FBXW7: variants seen among roughly 807,000 people sequenced by gnomAD.
FBXW7 encodes F-box/WD repeat-containing protein 7.
In FBXW7, 11 loss-of-function variants were observed where a neutral mutation model predicts 86.3. That is an observed-to-expected ratio of 0.13 (90% CI 0.08 to 0.21). The LOEUF (loss-of-function observed/expected upper bound fraction) is 0.21, where lower values mean the gene tolerates loss of function less well. FBXW7 is among the 10% of genes least tolerant of loss of function. The probability of loss-of-function intolerance (pLI) is 1.00; values close to 1 mark genes in which losing one functional copy is unlikely to be tolerated. For synonymous variants in FBXW7, 313 were observed against 297.9 expected (o/e 1.05, Z -0.52); for missense variants, 488 against 847.4 (o/e 0.58, Z 5.27).
chr4:152,487,701 G>A (rs1194884630), intron 2 of FBXW7, among the ~76,000 whole-genome samples: 2 of 151,928 alleles, frequency 1.3e-5, no homozygotes, highest in African/African-American at 4.8e-5. Context: ...GTTAACATTT[G>A]TTAAATTTTG....
chr4:152,528,641 C>T (rs1306343651), intron 2 of FBXW7, among the ~76,000 whole-genome samples: 4 of 152,136 alleles, frequency 2.6e-5, no homozygotes, highest in Non-Finnish European at 4.4e-5. Context: ...TTTAAAGATA[C>T]TTGCATGTAA....
chr4:152,355,274 T>A (rs148023853), intron 4 of FBXW7, among the ~76,000 whole-genome samples: 7 of 152,114 alleles, frequency 4.6e-5, no homozygotes. Flanking sequence ...TTTGGTAATA[T>A]AATATTTAAA....
At chr4:152,364,060 T>G (rs1461554703) in intron 4 of FBXW7, among the ~76,000 whole-genome samples, 2 of 152,206 alleles carry the variant, frequency 1.3e-5, no homozygotes, top group Non-Finnish European at 2.9e-5. Flanking sequence ...AGACGGACTA[T>G]GCAGCTAATT....
intron 4 of FBXW7, chr4:152,411,071 A>G: frequency 1.4e-6 from 1 of 706,544 alleles, no homozygotes; most frequent in East Asian, 3.3e-5. Flanking sequence ...ATAATTTTTC[A>G]TAGTAATAGG....
chr4:152,352,738 T>C (rs755891840), intron 4 of FBXW7: 32 of 1,612,628 alleles, frequency 2.0e-5, no homozygotes, highest in Non-Finnish European at 2.7e-5. Context: ...CATACATACA[T>C]GCAGCTTGAC....
At chr4:152,343,698 C>A (rs1205300235) in intron 6 of FBXW7, among the ~76,000 whole-genome samples, 1 of 152,060 alleles carries the variant, frequency 6.6e-6, no homozygotes, top group Admixed American at 6.6e-5. Flanking sequence ...TTTATTAGCA[C>A]CTGAATGATA....
intron 4 of FBXW7, among the ~76,000 whole-genome samples, chr4:152,398,733 T>C (rs1449878558): frequency 6.6e-6 from 1 of 152,006 alleles, no homozygotes; most frequent in East Asian, 1.9e-4. Context: ...TATTAATTTA[T>C]AGAAAATAGA....
chr4:152,529,046 C>T (rs1044189825), intron 2 of FBXW7, among the ~76,000 whole-genome samples: 1 of 152,072 alleles, frequency 6.6e-6, no homozygotes, highest in Non-Finnish European at 1.5e-5. Flanking sequence ...AGCAACTTTA[C>T]TCATCTTTTT....
At chr4:152,488,911 C>T (rs1261199965) in intron 2 of FBXW7, among the ~76,000 whole-genome samples, 1 of 152,050 alleles carries the variant, frequency 6.6e-6, no homozygotes, top group Non-Finnish European at 1.5e-5. Flanking sequence ...TTCCTGCCCT[C>T]AAGCAACTCA....
At chr4:152,409,519 T>C (rs1390175505) in intron 4 of FBXW7, among the ~76,000 whole-genome samples, 1 of 152,142 alleles carries the variant, frequency 6.6e-6, no homozygotes, top group Non-Finnish European at 1.5e-5. Flanking sequence ...GCTCTGGGAA[T>C]ACTCTGGCAG....
intron 2 of FBXW7, among the ~76,000 whole-genome samples, chr4:152,456,449 T>A (rs1256752224): frequency 1.3e-5 from 2 of 148,578 alleles, no homozygotes; most frequent in African/African-American, 2.5e-5. Flanking sequence ...GGCAGGGGGA[T>A]CACTTGAACT....
chr4:152,522,467 T>C (rs1221521805), intron 2 of FBXW7, among the ~76,000 whole-genome samples: 2 of 152,178 alleles, frequency 1.3e-5, no homozygotes, highest in African/African-American at 4.8e-5. Flanking sequence ...AATCAGCATG[T>C]ATACAGAATC....
At chr4:152,407,249 C>A (rs1737497176) in intron 4 of FBXW7, among the ~76,000 whole-genome samples, 1 of 152,160 alleles carries the variant, frequency 6.6e-6, no homozygotes, top group Non-Finnish European at 1.5e-5. Context: ...ATTATCCTCC[C>A]CACATGTTTA....
intron 4 of FBXW7, among the ~76,000 whole-genome samples, chr4:152,395,357 T>C (rs1469587332): frequency 3.3e-5 from 5 of 152,022 alleles, no homozygotes; most frequent in African/African-American, 1.2e-4. Flanking sequence ...CTATATCCTA[T>C]TACTAGCTTT....
chr4:152,480,303 C>T (rs1211529762), intron 2 of FBXW7, among the ~76,000 whole-genome samples: 8 of 152,066 alleles, frequency 5.3e-5, no homozygotes, highest in Admixed American at 5.2e-4. Context: ...CTTTGGGCCA[C>T]CACAAATCAC....
In FBXW7 at chr4:152,322,642, A is replaced by G. The variant is rs954204691; in HGVS notation, c.*239T>C. On this transcript the variant is annotated 3_prime_UTR_variant, in exon 14 of 14. Coordinates refer to ENST00000281708, the MANE Select transcript of FBXW7 (RefSeq NM_001349798.2). ...CATTTTGCAAAGCTGCCCTCAGTCA[A>G]AAGTGAAGCCTTTTATGTGATGAGA... 11 of 575,810 alleles carry G rather than the reference A, an allele frequency of 1.9e-5. No individual in the cohort carries two copies. The highest frequency in any genetic ancestry group is 3.6e-5 in the Admixed American group (1 of 27,546). The allele number at this position is 575,810 out of a possible 1,614,324, so 35.7% of individuals were successfully genotyped here. A position where few individuals can be genotyped will look rare whatever the true frequency, so the allele number is the denominator to read the frequency against.
intron 2 of FBXW7, among the ~76,000 whole-genome samples, chr4:152,447,513 C>T (rs546351403): frequency 1.3e-5 from 2 of 152,292 alleles, no homozygotes; most frequent in South Asian, 2.1e-4. Flanking sequence ...AATATTCCTA[C>T]ACTTCTATAT....
At chr4:152,494,194 G>C (rs1314194159) in intron 2 of FBXW7, among the ~76,000 whole-genome samples, 2 of 152,148 alleles carry the variant, frequency 1.3e-5, no homozygotes, top group Non-Finnish European at 2.9e-5. Flanking sequence ...AAGGGAGAAA[G>C]CCTTAGATAG....
Position 152,513,386 on chromosome 4 carries a change from G to A in FBXW7, c.-120+21555C>T, listed in dbSNP as rs1235878442. ...TTTCTATTGTTAACCCTAATCCAGG[G>A]AAGCACCATTCAGGTTACTGTGCTC... is the stretch of plus-strand genomic sequence containing the variant. On this transcript the variant is annotated intron_variant, in intron 2 of 13. Transcript: ENST00000281708. Among the ~76,000 whole-genome samples the A allele has an allele frequency of 3.9e-5, 6 of 152,088 alleles. No individual in the cohort carries two copies. The South Asian group carries it at 6.2e-4, about 16-fold the overall frequency.
Sources: gnomAD v4.1 joint callset for allele counts (sites outside exome capture counted in the v4.1 genomes callset) on GRCh38, gnomAD v4.1.1 for gene constraint, MANE v1.5 for transcripts, NCBI Gene and HGNC (gene_info 2026-07-23, HGNC 2026-07-21) for gene names.